SLC12A2: variants seen among roughly 807,000 people sequenced by gnomAD.
SLC12A2 encodes the protein Na-K-2Cl cotransporter 1.
SLC12A2 carries 67 observed loss-of-function variants against 136.3 expected under a neutral mutation model. The ratio of observed to expected loss-of-function variants is 0.49; its 90% confidence interval spans 0.40 to 0.60. The LOEUF is 0.60. Among genes scored for constraint, SLC12A2 ranks in the 20% least tolerant of loss-of-function variants. The probability of loss-of-function intolerance (pLI) is 0.00; values close to 1 mark genes in which losing one functional copy is unlikely to be tolerated. For missense variants in SLC12A2, 1,322 were observed against 1,534.7 expected, an observed-to-expected ratio of 0.86 and a Z score of 2.32; for synonymous variants, 619 against 562.9, an observed-to-expected ratio of 1.10 and a Z score of -1.41.
At chr5:128,110,962 A>T (rs1761122221) in intron 1 of SLC12A2, 1 of 815,062 alleles carries the variant, frequency 1.2e-6, no homozygotes, top group East Asian at 2.4e-5. Context: ...CTTCCCTTGC[A>T]CTTGCCATAG....
At chr5:128,116,872 C>T (rs1199832310) in intron 4 of SLC12A2, among the ~76,000 whole-genome samples, 1 of 151,994 alleles carries the variant, frequency 6.6e-6, no homozygotes, top group Non-Finnish European at 1.5e-5. Context: ...CTGTATCTGA[C>T]TCAGATTTGG....
At chr5:128,142,702 C>G (rs1157978064) in intron 10 of SLC12A2, among the ~76,000 whole-genome samples, 1 of 152,004 alleles carries the variant, frequency 6.6e-6, no homozygotes, top group African/African-American at 2.4e-5. Flanking sequence ...ACCACACATT[C>G]CTAATTACTG....
intron 18 of SLC12A2, 110 bp downstream of exon 18, chr5:128,167,977 A>T (rs1374160680): frequency 1.7e-6 from 1 of 595,528 alleles, no homozygotes; most frequent in Admixed American, 3.4e-5. Flanking sequence ...TAATGGAAAT[A>T]TAAGAACGAA....
chr5:128,092,422 C>G (rs1311471242), intron 1 of SLC12A2, among the ~76,000 whole-genome samples: 1 of 152,062 alleles, frequency 6.6e-6, no homozygotes, highest in Non-Finnish European at 1.5e-5. Context: ...GACTGAGGAC[C>G]CCAGTCCGAA....
intron 1 of SLC12A2, among the ~76,000 whole-genome samples, chr5:128,100,609 G>A (rs565184065): frequency 6.6e-6 from 1 of 152,230 alleles, no homozygotes; most frequent in South Asian, 2.1e-4. Flanking sequence ...AAAATCAAGT[G>A]TATCTTATGT....
At chr5:128,186,064 AT>A (rs887261923) in intron 26 of SLC12A2, among the ~76,000 whole-genome samples, 31 of 151,366 alleles carry the variant, frequency 2.0e-4, no homozygotes, top group East Asian at 5.8e-4. Flanking sequence ...TCTTAAAAAA[AT>A]ATATATATAT....
intron 1 of SLC12A2, among the ~76,000 whole-genome samples, chr5:128,093,234 C>G (rs1041026149): frequency 1.3e-5 from 2 of 152,012 alleles, no homozygotes; most frequent in East Asian, 1.9e-4. Context: ...TCTTAGTTTT[C>G]CTTCTGCCTT....
intron 4 of SLC12A2, among the ~76,000 whole-genome samples, chr5:128,125,993 G>T (rs1340293695): frequency 2.6e-5 from 4 of 152,108 alleles, no homozygotes; most frequent in Admixed American, 2.6e-4. Context: ...CATCTGGACT[G>T]AATTCTGTTG....
intron 1 of SLC12A2, chr5:128,110,026 A>G: frequency 1.9e-6 from 2 of 1,068,000 alleles, no homozygotes; most frequent in Admixed American, 1.7e-5. Flanking sequence ...GAAATCCCAA[A>G]AAGACTTGGA....
At chr5:128,143,942 T>G (rs1201365520) in intron 10 of SLC12A2, among the ~76,000 whole-genome samples, 1 of 150,672 alleles carries the variant, frequency 6.6e-6, no homozygotes, top group Non-Finnish European at 1.5e-5. Flanking sequence ...AATAAAATTA[T>G]GTAGTTTTAA....
At chr5:128,112,603 C>G (rs975802981) in intron 1 of SLC12A2, among the ~76,000 whole-genome samples, 1 of 152,118 alleles carries the variant, frequency 6.6e-6, no homozygotes, top group Admixed American at 6.6e-5. Flanking sequence ...CATAGTGAGA[C>G]TTAAATTTTA....
chr5:128,116,061 T>G (rs1465010819), intron 4 of SLC12A2, among the ~76,000 whole-genome samples: 1 of 152,188 alleles, frequency 6.6e-6, no homozygotes. Context: ...TTTTGGCTTC[T>G]CGTGAACTGG....
chr5:128,117,993 T>C (rs764245581), intron 4 of SLC12A2, among the ~76,000 whole-genome samples: 8 of 151,892 alleles, frequency 5.3e-5, no homozygotes, highest in Non-Finnish European at 8.8e-5. Context: ...ATCAGAGAAA[T>C]GCAAATTAAA....
In SLC12A2 at chr5:128,189,458, G is replaced by A. The variant is rs1763975887; in HGVS notation, c.*2827G>A. ...GTTTCCTTTTACATTCTTTTTATAT[G>A]CATTCTGACATTACATATTTTTTAA... On this transcript the variant is annotated 3_prime_UTR_variant, in exon 27 of 27. Coordinates refer to ENST00000262461, the MANE Select transcript of SLC12A2 (RefSeq NM_001046.3). 6.6e-6 allele frequency: 1 copy of A among 152,256 alleles called. No individual in the cohort carries two copies. The highest frequency in any genetic ancestry group is 2.4e-5 in the African/African-American group (1 of 41,370). The allele number at this position is 152,256 out of a possible 1,614,324, so 9.4% of individuals were successfully genotyped here.
chr5:128,155,801 T>A (rs956446596), intron 15 of SLC12A2, among the ~76,000 whole-genome samples: 1 of 152,180 alleles, frequency 6.6e-6, no homozygotes. Context: ...CTTTGAGGAA[T>A]GTGATTATCT....
At chr5:128,121,557 C>T (rs1422321907) in intron 4 of SLC12A2, among the ~76,000 whole-genome samples, 4 of 151,974 alleles carry the variant, frequency 2.6e-5, no homozygotes, top group East Asian at 1.9e-4. Context: ...CTCCTGATCT[C>T]GTGATCTGCC....
chr5:128,189,239 T>C lies in SLC12A2; in HGVS notation c.*2608T>C, dbSNP rs894436892. 6.6e-6 allele frequency: 1 copy of C among 152,188 alleles called. No homozygotes were observed. The highest frequency in any genetic ancestry group is 6.5e-5 in the Admixed American group (1 of 15,282). 9.4% of individuals were successfully genotyped at this position (152,188 alleles called of 1,614,324 possible). A position where few individuals can be genotyped will look rare whatever the true frequency, so the allele number is the denominator to read the frequency against. On this transcript the variant is annotated 3_prime_UTR_variant, in exon 27 of 27. Transcript: ENST00000262461. ...GCTTTATTTATGCTGAATTGTGATT[T>C]TTTTATGCCAAATTTTTTTTAGTTC... is the stretch of plus-strand genomic sequence containing the variant.
intron 9 of SLC12A2, 49 bp downstream of exon 9, chr5:128,138,957 C>A (rs921488825): frequency 2.4e-6 from 3 of 1,226,356 alleles, no homozygotes; most frequent in Non-Finnish European, 3.6e-6. Flanking sequence ...TCATGATGTA[C>A]GTACTATAAA....
chr5:128,136,161 T>C (rs143930651), intron 7 of SLC12A2, among the ~76,000 whole-genome samples: 1 of 152,276 alleles, frequency 6.6e-6, no homozygotes, highest in African/African-American at 2.4e-5. Context: ...AGCACAACAG[T>C]ATAAAAGCGC....
Sources: gnomAD v4.1 joint callset for allele counts (sites outside exome capture counted in the v4.1 genomes callset) on GRCh38, gnomAD v4.1.1 for gene constraint, MANE v1.5 for transcripts, NCBI Gene and HGNC (gene_info 2026-07-23, HGNC 2026-07-21) for gene names.